Variants in CCDC183 observed in about 807,000 individuals in gnomAD.
The protein encoded by CCDC183 is coiled-coil domain containing 183.
In CCDC183, 63 loss-of-function variants were observed where a neutral mutation model predicts 65.2. The ratio of observed to expected loss-of-function variants is 0.97; its 90% CI spans 0.79 to 1.19. The LOEUF is 1.19. CCDC183 is among the 50% of genes most tolerant of loss of function. CCDC183 has a pLI of 0.00. For missense variants in CCDC183, 769 were observed against 689.3 expected (o/e 1.12, Z -1.30); for synonymous variants, 323 against 276.5 (o/e 1.17, Z -1.67).
rs1413157604 is a variant in CCDC183 at position 136,803,218 on chromosome 9, GGCCCCCCAGGGCCA to G, written c.666+437_666+450del. On this transcript the variant is annotated intron_variant, in intron 6 of 13. Coordinates refer to ENST00000338005, the MANE Select transcript of CCDC183 (RefSeq NM_001039374.5). ...GGTGAGCTCAGGGCCCAGGGCTGGG[GGCCCCCCAGGGCCA>G]GCCCTCTTGGATCTTCGGATGGGGT... 9.3e-4 allele frequency among the ~76,000 whole-genome samples: 79 copies of G among 84,872 alleles called. 9 individuals carry two copies. Among genetic ancestry groups the G allele is most frequent in the East Asian group, 2.5e-3 (8 of 3,202 alleles). The allele number at this position is 84,872 out of a possible 152,430, so 55.7% of individuals were successfully genotyped here.
chr9:136,801,347 C>T (rs1847734296), intron 5 of CCDC183, among the ~76,000 whole-genome samples: 1 of 149,748 alleles, frequency 6.7e-6, no homozygotes, highest in Non-Finnish European at 1.5e-5. Flanking sequence ...GCCCCTCCTT[C>T]GCCTGGGTGC....
In CCDC183 at chr9:136,804,842, CCCAG is replaced by C; in HGVS notation, c.847+31_847+34del. ...GTAAGCGCTCAGCTCCCCACCTGCC[CCCAG>C]CCAGGGTCCCAAGGAGAGGCTGGCA... is the stretch of plus-strand genomic sequence containing the variant. On this transcript the variant is annotated intron_variant, in intron 8 of 13. Transcript: ENST00000338005. This position sits in a 1 kb window ranked among gnomAD's most constrained non-coding sequence, Gnocchi z 4.1. The C allele has an allele frequency of 6.2e-7, 1 of 1,607,880 alleles. No individual in the cohort carries two copies. Among genetic ancestry groups the C allele is most frequent in the Non-Finnish European group, 8.5e-7 (1 of 1,174,774 alleles).
In CCDC183 at chr9:136,799,185, A is replaced by G. The variant is rs1847698613; in HGVS notation, c.154A>G (p.Ile52Val). 1 of 1,611,168 alleles carries G rather than the reference A, an allele frequency of 6.2e-7. No individual in the cohort carries two copies. The highest frequency in any genetic ancestry group is 8.5e-7 in the Non-Finnish European group (1 of 1,179,042). Residue 52 changes from isoleucine (I) to valine (V), a missense_variant, in exon 2 of 14, where the codon ATC becomes GTC. Coordinates refer to ENST00000338005, the MANE Select transcript of CCDC183 (RefSeq NM_001039374.5). Reference protein sequence around the residue: ...KATLALLRSNIRRGAQDWALA... With the variant: ...KATLALLRSNVRRGAQDWALA... ...CACGCTGGCCCTCCTGCGCAGCAAC[A>G]TCCGCCGCGGGGCCCAGGACTGGGC...
Position 136,803,380 on chromosome 9 carries a change from G to A in CCDC183, c.666+594G>A, listed in dbSNP as rs573214088. 2.2e-4 allele frequency among the ~76,000 whole-genome samples: 33 copies of A among 152,336 alleles called. 1 individual carries two copies. Among genetic ancestry groups the A allele is most frequent in the African/African-American group, 4.1e-4 (17 of 41,576 alleles). On this transcript the variant is annotated intron_variant, in intron 6 of 13. Transcript: ENST00000338005. ...CTACAATCCCCAGAAGGATCCAGTG[G>A]CCAGCCCGGCCAGCCTGCTCTGCTC...
rs754778017 is a variant in CCDC183 at position 136,805,484 on chromosome 9, T to C, written c.948+27T>C. The C allele has an allele frequency of 3.1e-6, 5 of 1,598,042 alleles. No homozygotes were observed. In the South Asian group the frequency reaches 3.3e-5, roughly 11 times the overall value. On this transcript the variant is annotated intron_variant, in intron 9 of 13. Transcript: ENST00000338005. The stretch of plus-strand genomic sequence containing the variant: ...TAATGCCCCTGGCGCTCCCAGAGAA[T>C]GGCAGGAGGGTGGCTGAGCCTCTCA...
At chr9:136,806,272 C>G in intron 10 of CCDC183, 34 bp downstream of exon 10, 1 of 1,567,756 alleles carries the variant, frequency 6.4e-7, no homozygotes, top group Non-Finnish European at 8.6e-7. Context: ...GGGCCACCCA[C>G]CCCAGTCTCA....
Position 136,807,629 on chromosome 9 carries a change from A to G in CCDC183, c.1544A>G (p.Lys515Arg), listed in dbSNP as rs1389894018. Reference protein sequence around the residue: ...HSYVPSRAEIKRQAQRLIEGK... With the variant: ...HSYVPSRAEIRRQAQRLIEGK... The stretch of plus-strand genomic sequence containing the variant: ...TACGTCCCTTCGCGCGCCGAGATCA[A>G]GAGGCAGGCGCAGCGGCTAATCGAG... Residue 515 changes from lysine to arginine, a missense_variant, in exon 14 of 14, where the codon AAG becomes AGG. By Grantham distance (26) the Lys-to-Arg change is conservative. Transcript: ENST00000338005. 1.2e-6 allele frequency: 2 copies of G among 1,605,228 alleles called. No individual in the cohort carries two copies. Among genetic ancestry groups the G allele is most frequent in the Middle Eastern group, 1.7e-4 (1 of 6,040 alleles).
At chr9:136,798,642 G>A (rs985653920) in intron 1 of CCDC183, among the ~76,000 whole-genome samples, 1 of 152,174 alleles carries the variant, frequency 6.6e-6, no homozygotes, top group Non-Finnish European at 1.5e-5. Flanking sequence ...ACATGGAGGG[G>A]AAAACAGACC....
chr9:136,804,638 G>A lies in CCDC183; in HGVS notation c.792+11G>A, dbSNP rs571322958. 1.2e-6 allele frequency: 2 copies of A among 1,613,562 alleles called. No individual in the cohort carries two copies. Among genetic ancestry groups the A allele is most frequent in the Non-Finnish European group, 1.7e-6 (2 of 1,179,848 alleles). ...GAGAAGTACCGCCGGGTAAGCCCCA[G>A]GCCAGGGCCTGGCTGGCTGCCCATC... On this transcript the variant is annotated intron_variant, in intron 7 of 13. Transcript: ENST00000338005. This position sits in a 1 kb window ranked among gnomAD's most constrained non-coding sequence, Gnocchi z 4.1.
At chr9:136,802,243 TTAAG>T (rs1173456586) in intron 5 of CCDC183, among the ~76,000 whole-genome samples, 1 of 150,792 alleles carries the variant, frequency 6.6e-6, no homozygotes, top group Non-Finnish European at 1.5e-5. Context: ...CACAGAGAGA[TTAAG>T]TAACTTTCCC....
intron 10 of CCDC183, 96 bp from the exon 11 acceptor site, chr9:136,806,408 T>C: frequency 7.9e-6 from 12 of 1,522,432 alleles, no homozygotes; most frequent in Non-Finnish European, 9.9e-6. Flanking sequence ...TCCCTGATTC[T>C]GGCACAGCAC....
Position 136,806,856 on chromosome 9 carries a change from A to G in CCDC183, c.1378A>G (p.Arg460Gly), listed in dbSNP as rs746678091. 12 of 1,613,324 alleles carry G rather than the reference A, an allele frequency of 7.4e-6. No homozygotes were observed. Among genetic ancestry groups the G allele is most frequent in the Admixed American group, 1.7e-5 (1 of 59,990 alleles). Residue 460 changes from arginine (R) to glycine (G), a missense_variant, in exon 12 of 14, where the codon AGG becomes GGG. Coordinates refer to ENST00000338005, the MANE Select transcript of CCDC183 (RefSeq NM_001039374.5). ...GGCTGACAGAGTGCAGATGGTGTCC[A>G]GGACCGAGGAGGTAGCCCCGGGCTG... ...YLADRVQMVS[R>G]TEEGDTKVRD... is the part of the protein sequence containing the mutation.
rs1022357587 is a variant in CCDC183, at chr9:136,804,848, C to T, written c.847+32C>T. The T allele has an allele frequency of 6.2e-7, 1 of 1,602,386 alleles. No individual in the cohort carries two copies. Among genetic ancestry groups the T allele is most frequent in the East Asian group, 2.2e-5 (1 of 44,838 alleles). The stretch of plus-strand genomic sequence containing the variant: ...GCTCAGCTCCCCACCTGCCCCCAGC[C>T]AGGGTCCCAAGGAGAGGCTGGCACT... On this transcript the variant is annotated intron_variant, in intron 8 of 13. Transcript: ENST00000338005. This position sits in a 1 kb window ranked among gnomAD's most constrained non-coding sequence, Gnocchi z 4.1.
intron 5 of CCDC183, 76 bp downstream of exon 5, chr9:136,800,569 C>T (rs1037878684): frequency 1.0e-5 from 11 of 1,069,486 alleles, no homozygotes; most frequent in Admixed American, 2.2e-5. Context: ...TGGGGCGGAG[C>T]CGCCCCGCAC....
rs1431627880 is a variant in CCDC183 at position 136,804,487 on chromosome 9, C to A, written c.667-15C>A. 4 of 1,610,204 alleles carry A rather than the reference C, an allele frequency of 2.5e-6. No homozygotes were observed. The highest frequency in any genetic ancestry group is 3.4e-6 in the Non-Finnish European group (4 of 1,179,054). On this transcript the variant is annotated splice_polypyrimidine_tract_variant and intron_variant, in intron 6 of 13. Transcript: ENST00000338005. This position sits in a 1 kb window ranked among gnomAD's most constrained non-coding sequence, Gnocchi z 4.1. ...AGACAGCTCCCCAACCCTGTGCCCACCCGCATGTCCCCAGAGGAACATGAG... is the reference window on the plus strand; with the variant it reads ...AGACAGCTCCCCAACCCTGTGCCCAACCGCATGTCCCCAGAGGAACATGAG...
intron 1 of CCDC183, among the ~76,000 whole-genome samples, chr9:136,797,843 C>CA (rs1847675868): frequency 6.6e-6 from 1 of 150,696 alleles, no homozygotes; most frequent in Non-Finnish European, 1.5e-5. Context: ...TGTTTGGAGA[C>CA]AGAGTCTCGC....
rs767714086 is a variant in CCDC183 at position 136,804,077 on chromosome 9, CGA to C, written c.667-421_667-420del. The C allele has an allele frequency of 2.6e-5, 5 of 188,892 alleles. No individual in the cohort carries two copies. The East Asian group carries it at 4.4e-4, about 17-fold the overall frequency. The allele number at this position is 188,892 out of a possible 1,614,324, so 11.7% of individuals were successfully genotyped here. A position where few individuals can be genotyped will look rare whatever the true frequency, so the allele number is the denominator to read the frequency against. The stretch of plus-strand genomic sequence containing the variant: ...AGGCAACCCCACTAAGCGCTGGCAA[CGA>C]GAGTGGCGAGGGTGAGAGCAGTGTC... On this transcript the variant is annotated intron_variant, in intron 6 of 13. Coordinates refer to ENST00000338005, the MANE Select transcript of CCDC183 (RefSeq NM_001039374.5). The surrounding 1 kb of genome is among the most constrained non-coding windows in gnomAD (Gnocchi z 4.1).
rs1439899901 is a variant in CCDC183, at chr9:136,806,490, A to T, written c.1110-14A>T. 6.2e-7 allele frequency: 1 copy of T among 1,613,156 alleles called. No homozygotes were observed. Among genetic ancestry groups the T allele is most frequent in the Admixed American group, 1.7e-5 (1 of 60,018 alleles). The stretch of plus-strand genomic sequence containing the variant: ...CTGTGCCCCTCACTGCTGTGTCCCT[A>T]TTGCCTTCTGCAGCTTCAAGTCCGT... On this transcript the variant is annotated splice_polypyrimidine_tract_variant and intron_variant, in intron 10 of 13. Coordinates refer to ENST00000338005, the MANE Select transcript of CCDC183 (RefSeq NM_001039374.5).
intron 5 of CCDC183, among the ~76,000 whole-genome samples, chr9:136,802,398 C>A (rs1284093978): frequency 6.6e-6 from 1 of 152,214 alleles, no homozygotes; most frequent in Non-Finnish European, 1.5e-5. Context: ...TTCAGTCAGC[C>A]TTTTCTGCAG....
Sources: gnomAD v4.1 joint callset for allele counts (sites outside exome capture counted in the v4.1 genomes callset) on GRCh38, gnomAD v4.1.1 for gene constraint, Gnocchi (gnomAD v3.1) non-coding constraint, MANE v1.5 for transcripts, NCBI Gene and HGNC (gene_info 2026-07-23, HGNC 2026-07-21) for gene names.